OXR1: variants seen among roughly 807,000 people sequenced by gnomAD.
OXR1 encodes the protein oxidation resistance 1.
OXR1 carries 41 observed loss-of-function variants against 104.6 expected under a neutral mutation model. That is an observed-to-expected ratio of 0.39 (90% CI 0.31 to 0.51). OXR1 has a LOEUF of 0.51. Among genes scored for constraint, OXR1 ranks in the 20% least tolerant of loss-of-function variants. OXR1 has a pLI of 0.77. For missense variants in OXR1, 955 were observed against 1,031.9 expected, an observed-to-expected ratio of 0.93 and a Z score of 1.02; for synonymous variants, 348 against 348.4, an observed-to-expected ratio of 1.00 and a Z score of 0.01.
chr8:106,578,078 G>A (rs1368310488), intron 3 of OXR1, among the ~76,000 whole-genome samples: 1 of 152,184 alleles, frequency 6.6e-6, no homozygotes, highest in East Asian at 1.9e-4. Flanking sequence ...ATAAAATTAT[G>A]GGAAACCCAA....
chr8:106,655,325 G>A (rs1824957333), intron 3 of OXR1, among the ~76,000 whole-genome samples: 1 of 151,176 alleles, frequency 6.6e-6, no homozygotes, highest in Non-Finnish European at 1.5e-5. Flanking sequence ...TTTTTAATGA[G>A]GCAAAAGGTA....
chr8:106,612,356 T>G (rs1038367886), intron 3 of OXR1, among the ~76,000 whole-genome samples: 2 of 152,132 alleles, frequency 1.3e-5, no homozygotes, highest in Non-Finnish European at 2.9e-5. Context: ...TTAAGCAGTC[T>G]CCAAAGCATG....
chr8:106,697,887 C>T, intron 7 of OXR1: 1 of 1,612,400 alleles, frequency 6.2e-7, no homozygotes, highest in Non-Finnish European at 8.5e-7. Flanking sequence ...GGGACCGGCC[C>T]ACATCCTTTC....
At chr8:106,646,248 G>C (rs528614699) in intron 3 of OXR1, among the ~76,000 whole-genome samples, 107 of 152,016 alleles carry the variant, frequency 7.0e-4, no homozygotes, top group Non-Finnish European at 1.2e-3. Context: ...TGGGATTACA[G>C]GTGCACACCA....
chr8:106,736,272 A>G (rs1834368375), intron 11 of OXR1, among the ~76,000 whole-genome samples: 1 of 151,966 alleles, frequency 6.6e-6, no homozygotes, highest in Admixed American at 6.6e-5. Flanking sequence ...AATTCAATAT[A>G]ATAATAATGG....
chr8:106,717,671 C>A (rs1468584158), intron 11 of OXR1, among the ~76,000 whole-genome samples: 1 of 152,082 alleles, frequency 6.6e-6, no homozygotes, highest in African/African-American at 2.4e-5. Flanking sequence ...ACTATTATAT[C>A]TTCAGAACTA....
intron 1 of OXR1, among the ~76,000 whole-genome samples, chr8:106,329,385 T>A (rs1341498978): frequency 1.7e-4 from 26 of 150,952 alleles, no homozygotes; most frequent in Non-Finnish European, 3.0e-5. Flanking sequence ...TCTGTCTCTG[T>A]CGCCCGGGCT....
chr8:106,366,620 T>G (rs1816479439), intron 2 of OXR1, among the ~76,000 whole-genome samples: 1 of 152,156 alleles, frequency 6.6e-6, no homozygotes. Flanking sequence ...GGCTGATATT[T>G]CTAATTTTTT....
intron 1 of OXR1, among the ~76,000 whole-genome samples, chr8:106,329,974 T>C (rs1814643276): frequency 6.6e-6 from 1 of 152,060 alleles, no homozygotes; most frequent in African/African-American, 2.4e-5. Context: ...TTTAAATGAA[T>C]GTTGGCTATT....
intron 2 of OXR1, among the ~76,000 whole-genome samples, chr8:106,490,484 T>C (rs558258622): frequency 6.6e-6 from 1 of 152,022 alleles, no homozygotes; most frequent in Admixed American, 6.6e-5. Flanking sequence ...TCAGCCTCCC[T>C]AGTAGCTGGG....
intron 2 of OXR1, among the ~76,000 whole-genome samples, chr8:106,503,746 A>G (rs193072081): frequency 1.3e-4 from 20 of 152,294 alleles, no homozygotes; most frequent in African/African-American, 4.3e-4. Context: ...CGTGTTGGCA[A>G]GATGTGGCCT....
At chr8:106,703,336 G>A (rs1473839180) in intron 8 of OXR1, among the ~76,000 whole-genome samples, 1 of 152,120 alleles carries the variant, frequency 6.6e-6, no homozygotes, top group Non-Finnish European at 1.5e-5. Flanking sequence ...AACCTATAGT[G>A]CCCATTTAAT....
intron 1 of OXR1, among the ~76,000 whole-genome samples, chr8:106,334,678 A>C (rs909812458): frequency 1.3e-5 from 2 of 152,060 alleles, no homozygotes; most frequent in Non-Finnish European, 2.9e-5. Flanking sequence ...TCTAAACTAC[A>C]CTCCAAAACC....
At chr8:106,300,433 A>T (rs1006585318) in intron 1 of OXR1, among the ~76,000 whole-genome samples, 11 of 151,984 alleles carry the variant, frequency 7.2e-5, no homozygotes, top group Non-Finnish European at 1.5e-4. Context: ...GAGTGGCCTA[A>T]AAGATGACCC....
chr8:106,677,631 A>G lies in OXR1; in HGVS notation c.221-1579A>G, dbSNP rs150143327. Among the ~76,000 whole-genome samples, 3 of 152,218 alleles carry G rather than the reference A, an allele frequency of 2.0e-5. No homozygotes were observed. The East Asian group carries it at 5.8e-4, about 29-fold the overall frequency. ...TTATTACATGTTTAAGGACATTTTTACATCCTCTTGTGAATTGTCTGATTA... is the reference window on the plus strand; with the variant it reads ...TTATTACATGTTTAAGGACATTTTTGCATCCTCTTGTGAATTGTCTGATTA... On this transcript the variant is annotated intron_variant, in intron 3 of 16. Coordinates refer to ENST00000517566, the MANE Select transcript of OXR1 (RefSeq NM_001198533.2).
chr8:106,492,996 G>A (rs1414045359), intron 2 of OXR1, among the ~76,000 whole-genome samples: 1 of 152,218 alleles, frequency 6.6e-6, no homozygotes, highest in East Asian at 1.9e-4. Flanking sequence ...CTGGAAAGCT[G>A]TAGTTATATG....
chr8:106,289,600 T>G (rs1412710882), intron 1 of OXR1, among the ~76,000 whole-genome samples: 2 of 152,208 alleles, frequency 1.3e-5, no homozygotes, highest in Non-Finnish European at 2.9e-5. Context: ...AAGCAATTTA[T>G]AGATTCAATG....
rs548391323 is a variant in OXR1 at position 106,450,655 on chromosome 8, A to G, written c.24-68288A>G. On this transcript the variant is annotated intron_variant, in intron 2 of 16. Transcript: ENST00000517566. ...CCTTGTAGTGCCAACTAGCATTCCA[A>G]GTAAAACAGAGCAGACCTTTTAAAG... is the stretch of plus-strand genomic sequence containing the variant. Among the ~76,000 whole-genome samples, 23 of 152,274 alleles carry G rather than the reference A, an allele frequency of 1.5e-4. No homozygotes were observed. In the South Asian group the frequency reaches 3.9e-3, roughly 26 times the overall value.
intron 1 of OXR1, among the ~76,000 whole-genome samples, chr8:106,319,041 T>G (rs1484214865): frequency 6.6e-6 from 1 of 152,236 alleles, no homozygotes; most frequent in Non-Finnish European, 1.5e-5. Flanking sequence ...TAATTTACGT[T>G]GCTCCTGTGT....
Sources: gnomAD v4.1 joint callset for allele counts (sites outside exome capture counted in the v4.1 genomes callset) on GRCh38, gnomAD v4.1.1 for gene constraint, MANE v1.5 for transcripts, NCBI Gene and HGNC (gene_info 2026-07-23, HGNC 2026-07-21) for gene names.